Variants in KIR3DL1 observed in about 807,000 individuals in gnomAD.
KIR3DL1 encodes the protein killer cell immunoglobulin like receptor, three Ig domains and long cytoplasmic tail 1.
A neutral mutation model predicts 40.3 loss-of-function variants in KIR3DL1; 50 were observed. That is an observed-to-expected ratio of 1.24 (90% CI 0.99 to 1.57). The LOEUF is 1.57. KIR3DL1 is among the 40% of genes most tolerant of loss of function. KIR3DL1 has a pLI of 0.00. For missense variants in KIR3DL1, 661 were observed against 559.9 expected, an observed-to-expected ratio of 1.18 and a Z score of -1.82; for synonymous variants, 257 against 207.2, an observed-to-expected ratio of 1.24 and a Z score of -2.07.
rs1297342477 is a variant in KIR3DL1 at position 54,817,606 on chromosome 19, C to T, written c.70+37C>T. The T allele has an allele frequency of 2.3e-5, 33 of 1,463,422 alleles. 3 individuals carry two copies. Among genetic ancestry groups the T allele is most frequent in the East Asian group, 1.0e-4 (4 of 38,580 alleles). The allele number at this position is 1,463,422 out of a possible 1,614,324, so 90.7% of individuals were successfully genotyped here. On this transcript the variant is annotated intron_variant, in intron 2 of 8. Coordinates refer to ENST00000391728, the Ensembl canonical transcript of KIR3DL1. ...CCCAAACCTTAGGGTGTCATCTCCC[C>T]ACATAAGAGGATTTTCCTGAAATGG...
exon 4 of KIR3DL1, chr19:54,819,870 C>T (rs1169435604): frequency 1.2e-6 from 2 of 1,612,234 alleles, no homozygotes; most frequent in South Asian, 2.2e-5. Flanking sequence ...TTGGACAGAT[C>T]CATGATGGGG....
At chr19:54,830,115 A>T in exon 9 of KIR3DL1, 1 of 1,523,542 alleles carries the variant, frequency 6.6e-7, no homozygotes, top group Non-Finnish European at 8.9e-7. Flanking sequence ...GATGAACAAG[A>T]CCCTGAGGAG....
At chr19:54,817,278 C>T (rs608415) in intron 1 of KIR3DL1, among the ~76,000 whole-genome samples, 79,708 of 137,792 alleles carry the variant, frequency 0.58, 24,404 homozygotes, top group East Asian at 0.79. Context: ...GAGATATGGG[C>T]CTGGAGTGGA....
At chr19:54,819,793 T>G in exon 4 of KIR3DL1, 4 of 1,611,502 alleles carry the variant, frequency 2.5e-6, no homozygotes, top group Non-Finnish European at 2.5e-6. Flanking sequence ...GCAATGTTGG[T>G]CAGATATCAT....
intron 4 of KIR3DL1, 32 bp from the exon 5 acceptor site, chr19:54,821,533 C>A: frequency 1.3e-6 from 2 of 1,590,118 alleles, no homozygotes; most frequent in Non-Finnish European, 1.7e-6. Flanking sequence ...AAGGAAGAAC[C>A]TCCCTGAGGA....
intron 4 of KIR3DL1, among the ~76,000 whole-genome samples, chr19:54,821,259 A>G (rs148354298): frequency 0.045 from 6,250 of 139,892 alleles, 295 homozygotes; most frequent in East Asian, 0.099. Flanking sequence ...TATGAACAAG[A>G]CAGAAAGTGA....
At chr19:54,824,638 T>C (rs1476482653) in intron 5 of KIR3DL1, among the ~76,000 whole-genome samples, 1 of 151,300 alleles carries the variant, frequency 6.6e-6, no homozygotes, top group Non-Finnish European at 1.5e-5. Flanking sequence ...ATTGCACCTC[T>C]GCACTCCAGC....
intron 5 of KIR3DL1, among the ~76,000 whole-genome samples, chr19:54,823,580 C>T (rs534983468): frequency 2.0e-5 from 3 of 151,388 alleles, no homozygotes; most frequent in African/African-American, 7.3e-5. Flanking sequence ...TCACTGCAAC[C>T]TCCGCCTCCC....
chr19:54,819,601 C>A, intron 3 of KIR3DL1, 112 bp from the exon 4 acceptor site: 1 of 1,281,648 alleles, frequency 7.8e-7, no homozygotes, highest in Non-Finnish European at 1.1e-6. Context: ...CACGGAGATG[C>A]AGAGAGGGAG....
intron 5 of KIR3DL1, among the ~76,000 whole-genome samples, chr19:54,824,741 T>C (rs1743334): frequency 0.47 from 67,175 of 143,962 alleles, 16,656 homozygotes; most frequent in Non-Finnish European, 0.53. Context: ...CCATTCTGTT[T>C]CATTTTTTAT....
At chr19:54,829,586 G>A (rs1569472540) in intron 7 of KIR3DL1, 121 bp downstream of exon 7, 1 of 901,510 alleles carries the variant, frequency 1.1e-6, no homozygotes, top group Non-Finnish European at 1.7e-6. Context: ...GAGCCACAGA[G>A]GCAGGACTTT....
intron 3 of KIR3DL1, 21 bp downstream of exon 3, chr19:54,818,620 G>T (rs2061477148): frequency 1.9e-6 from 3 of 1,599,086 alleles, no homozygotes; most frequent in Non-Finnish European, 2.5e-6. Context: ...TTCCGTCTGG[G>T]CTTCTCACTG....
At chr19:54,828,387 A>C (rs1257938417) in intron 6 of KIR3DL1, among the ~76,000 whole-genome samples, 5 of 151,338 alleles carry the variant, frequency 3.3e-5, no homozygotes, top group African/African-American at 7.4e-5. Flanking sequence ...GGCCTATGCC[A>C]ATTCCTATCA....
At chr19:54,818,352 C>T in exon 3 of KIR3DL1, 2 of 1,604,932 alleles carry the variant, frequency 1.2e-6, no homozygotes, top group Non-Finnish European at 1.7e-6. Context: ...CCTGGCCCAG[C>T]GCTGTGGTGC....
intron 5 of KIR3DL1, among the ~76,000 whole-genome samples, chr19:54,823,103 T>C (rs1305868405): frequency 1.3e-5 from 2 of 150,946 alleles, no homozygotes; most frequent in African/African-American, 4.9e-5. Context: ...GGTGAGATCT[T>C]GGCTCATTGC....
chr19:54,822,412 A>T (rs1171660901), intron 5 of KIR3DL1, among the ~76,000 whole-genome samples: 1 of 151,156 alleles, frequency 6.6e-6, no homozygotes, highest in African/African-American at 2.4e-5. Flanking sequence ...ATCATTTAAG[A>T]TCAGGAACTC....
At chr19:54,821,884 T>C (rs2061660237) in intron 5 of KIR3DL1, 26 bp downstream of exon 5, 1 of 1,590,496 alleles carries the variant, frequency 6.3e-7, no homozygotes. Flanking sequence ...ATCTCTCTCA[T>C]GTCCTATGAT....
At chr19:54,822,032 G>T (rs901937034) in intron 5 of KIR3DL1, among the ~76,000 whole-genome samples, 174 bp downstream of exon 5, 1 of 151,082 alleles carries the variant, frequency 6.6e-6, no homozygotes, top group Non-Finnish European at 1.5e-5. Flanking sequence ...CTCCTTCATG[G>T]CCTGCATGGA....
exon 4 of KIR3DL1, chr19:54,819,782 T>C (rs1569439610): frequency 1.2e-6 from 2 of 1,611,302 alleles, no homozygotes; most frequent in Non-Finnish European, 1.7e-6. Context: ...AGAGTCATCC[T>C]GCAATGTTGG....
Sources: gnomAD v4.1 joint callset for allele counts (sites outside exome capture counted in the v4.1 genomes callset) on GRCh38, gnomAD v4.1.1 for gene constraint, MANE v1.5 for transcripts, NCBI Gene and HGNC (gene_info 2026-07-23, HGNC 2026-07-21) for gene names.